The following APC variants were observed in gnomAD, a reference collection of about 807,000 sequenced individuals.
APC encodes the protein APC regulator of Wnt signaling pathway, also known as adenomatous polyposis coli protein.
In APC, 72 loss-of-function variants were observed where a neutral mutation model predicts 247.0. That is an observed-to-expected ratio of 0.29 (90% CI 0.24 to 0.35). The LOEUF (loss-of-function observed/expected upper bound fraction) is 0.35, where lower values mean the gene tolerates loss of function less well. Among genes scored for constraint, APC ranks in the 10% least tolerant of loss-of-function variants. The probability of loss-of-function intolerance (pLI) is 1.00; values close to 1 mark genes in which losing one functional copy is unlikely to be tolerated. For missense variants in APC, 3,400 were observed against 3,360.7 expected (o/e 1.01, Z -0.29); for synonymous variants, 1,254 against 1,162.5 (o/e 1.08, Z -1.60).
intron 1 of APC, among the ~76,000 whole-genome samples, chr5:112,741,371 T>C (rs1014787255): frequency 2.0e-5 from 3 of 152,166 alleles, no homozygotes; most frequent in African/African-American, 7.2e-5. Context: ...CTAAATTACT[T>C]TTGAAGTACT....
At chr5:112,789,282 C>G (rs570363323) in intron 6 of APC, among the ~76,000 whole-genome samples, 1 of 152,302 alleles carries the variant, frequency 6.6e-6, no homozygotes, top group East Asian at 1.9e-4. Context: ...TTGTGAAGTG[C>G]TGCAGTGAGC....
rs2149788491 is a variant in APC, at chr5:112,767,273, C to A, written c.305C>A (p.Ser102Tyr). Residue 102 changes from serine to tyrosine, a missense_variant, in exon 4 of 16, where the codon TCT (serine) becomes TAT (tyrosine). Around this residue, in one of 9 missense-constraint regions of APC, gnomAD observed 372 missense variants for 367.6 expected, o/e 1.01. Transcript: ENST00000257430. Reference sequence around the variant, plus strand: ...CGTTCTTATGGAAGCCGGGAAGGATCTGTATCAAGCCGTTCTGGAGAGTGC... The same window carrying A: ...CGTTCTTATGGAAGCCGGGAAGGATATGTATCAAGCCGTTCTGGAGAGTGC... Reference protein sequence around the residue: ...SLRSYGSREGSVSSRSGECSP... With the variant: ...SLRSYGSREGYVSSRSGECSP... 1 of 1,614,154 alleles carries A rather than the reference C, an allele frequency of 6.2e-7. No individual in the cohort carries two copies.
At chr5:112,720,654 G>C (rs1561403968) in intron 1 of APC, among the ~76,000 whole-genome samples, 1 of 152,204 alleles carries the variant, frequency 6.6e-6, no homozygotes, top group Non-Finnish European at 1.5e-5. Flanking sequence ...GGCATAGGTA[G>C]AAAAATAGGT....
rs448475 is a variant in APC, at chr5:112,845,682, C to G, written c.*1556C>G. 102,714 of 231,660 alleles carry G rather than the reference C, an allele frequency of 0.44. 26,071 individuals are homozygous for G. Among genetic ancestry groups the G allele is most frequent in the East Asian group, 0.72 (11,718 of 16,360 alleles). 14.4% of individuals were successfully genotyped at this position (231,660 alleles called of 1,614,324 possible). On this transcript the variant is annotated 3_prime_UTR_variant, in exon 16 of 16. Transcript: ENST00000257430. ...TTCTGGGGTACATGTTAAGTGTCCC[C>G]TTATACAGTGGAGGGAAGTCTTCCT...
chr5:112,714,191 A>G (rs1272012058), intron 1 of APC, among the ~76,000 whole-genome samples: 1 of 152,172 alleles, frequency 6.6e-6, no homozygotes, highest in Non-Finnish European at 1.5e-5. Context: ...GAAATACTAT[A>G]TGGGGACATT....
intron 1 of APC, among the ~76,000 whole-genome samples, chr5:112,751,145 CAG>C (rs1182727010): frequency 6.6e-6 from 1 of 151,974 alleles, no homozygotes; most frequent in African/African-American, 2.4e-5. Flanking sequence ...AAAAATAGTA[CAG>C]AGAGTTTCTA....
rs1816769 is a variant in APC at position 112,774,082 on chromosome 5, G to C, written c.423-1547G>C. ...TGTATATGTATTAAATGAGGTATAG[G>C]TATAAGGCTATTCAATGCAGCATTG... On this transcript the variant is annotated intron_variant, in intron 4 of 15. Transcript: ENST00000257430. Among the ~76,000 whole-genome samples the C allele has an allele frequency of 0.55, 82,906 of 151,916 alleles. 23,223 individuals are homozygous for C. The highest frequency in any genetic ancestry group is 0.87 in the East Asian group (4,508 of 5,180).
At chr5:112,831,826 T>C (rs1440290354) in intron 14 of APC, among the ~76,000 whole-genome samples, 1 of 152,256 alleles carries the variant, frequency 6.6e-6, no homozygotes, top group African/African-American at 2.4e-5. Context: ...GTGGCTTCTA[T>C]TACAGTGTTT....
At chr5:112,723,087 A>G (rs1398801147) in intron 1 of APC, among the ~76,000 whole-genome samples, 1 of 152,118 alleles carries the variant, frequency 6.6e-6, no homozygotes, top group Non-Finnish European at 1.5e-5. Flanking sequence ...AAAGGAGGAC[A>G]GGAGAAGGCT....
At chr5:112,759,356 C>CTTTTTTTTTT (rs887438895) in intron 2 of APC, among the ~76,000 whole-genome samples, 11 of 122,354 alleles carry the variant, frequency 9.0e-5, no homozygotes, top group African/African-American at 2.3e-4. Context: ...TTCTTTCTTT[C>CTTTTTTTTTT]TTTTTTTTTT....
Position 112,841,067 on chromosome 5 carries a change from G to A in APC, c.5473G>A (p.Asp1825Asn), listed in dbSNP as rs1203079846. 2.5e-6 allele frequency: 4 copies of A among 1,612,588 alleles called. No individual in the cohort carries two copies. Among genetic ancestry groups the A allele is most frequent in the Non-Finnish European group, 3.4e-6 (4 of 1,178,660 alleles). Residue 1825 changes from aspartate (D) to asparagine (N), a missense_variant, in exon 16 of 16, where the codon GAT (aspartate) becomes AAT (asparagine). Physicochemically the swap from Asp to Asn is conservative, Grantham distance 23. Transcript: ENST00000257430. This position sits in a 1 kb window ranked among gnomAD's most constrained non-coding sequence, Gnocchi z 4.6. Reference protein sequence around the residue: ...NLKNNSKVFNDKLPNNEDRVR... With the variant: ...NLKNNSKVFNNKLPNNEDRVR... ...GAAAAATAATTCCAAGGTCTTCAATGATAAGCTCCCAAATAATGAAGATAG... is the reference window on the plus strand; with the variant it reads ...GAAAAATAATTCCAAGGTCTTCAATAATAAGCTCCCAAATAATGAAGATAG...
chr5:112,760,236 G>C lies in APC; in HGVS notation c.135+5211G>C, dbSNP rs1023043668. 4.6e-5 allele frequency among the ~76,000 whole-genome samples: 7 copies of C among 152,260 alleles called. No homozygotes were observed. In the South Asian group the frequency reaches 1.5e-3, roughly 32 times the overall value. On this transcript the variant is annotated intron_variant, in intron 2 of 15. Coordinates refer to ENST00000257430, the MANE Select transcript of APC (RefSeq NM_000038.6). The stretch of plus-strand genomic sequence containing the variant: ...AGAAAATGAAATCGTTGGCAGCCTT[G>C]ACAAACATGAGGGCAGATGTAGAGA...
chr5:112,810,986 C>T (rs903962533), intron 8 of APC, among the ~76,000 whole-genome samples: 3 of 151,854 alleles, frequency 2.0e-5, no homozygotes, highest in Non-Finnish European at 4.4e-5. Flanking sequence ...GATCACGCCA[C>T]TGCACTCCAG....
chr5:112,773,142 A>G (rs911742552), intron 4 of APC, among the ~76,000 whole-genome samples: 2 of 152,190 alleles, frequency 1.3e-5, no homozygotes, highest in African/African-American at 2.4e-5. Flanking sequence ...CATCACTATT[A>G]AGGTTGCCAC....
At chr5:112,837,506 C>T (rs993248333) in intron 15 of APC, 47 bp from the exon 16 acceptor site, 8 of 1,376,822 alleles carry the variant, frequency 5.8e-6, no homozygotes, top group Non-Finnish European at 8.3e-6. Flanking sequence ...GTTGTTACTG[C>T]ATACACATTG....
chr5:112,825,700 TAAAA>T (rs1763589541), intron 11 of APC, among the ~76,000 whole-genome samples: 1 of 152,124 alleles, frequency 6.6e-6, no homozygotes, highest in African/African-American at 2.4e-5. Flanking sequence ...AAAATAAAAA[TAAAA>T]AGAAAGATAC....
In APC at chr5:112,838,864, A is replaced by C. The variant is rs780818655; in HGVS notation, c.3270A>C (p.Gln1090His). Residue 1090 changes from glutamine (Q) to histidine (H), a missense_variant, in exon 16 of 16, where the codon CAA becomes CAC. This residue lies in a region of APC where 715 missense variants were observed against 656.6 expected (regional missense o/e 1.09). Coordinates refer to ENST00000257430, the MANE Select transcript of APC (RefSeq NM_000038.6). Reference protein sequence around the residue: ...ESTDDKHLKFQPHFGQQECVS... With the variant: ...ESTDDKHLKFHPHFGQQECVS... ...CTGATGATAAACACCTCAAGTTCCA[A>C]CCACATTTTGGACAGCAGGAATGTG... The C allele has an allele frequency of 6.2e-7, 1 of 1,614,158 alleles. No homozygotes were observed. The highest frequency in any genetic ancestry group is 1.3e-5 in the African/African-American group (1 of 75,058).
intron 1 of APC, among the ~76,000 whole-genome samples, chr5:112,730,407 G>T (rs550029580): frequency 8.2e-4 from 125 of 152,332 alleles, no homozygotes; most frequent in African/African-American, 2.8e-3. Flanking sequence ...AATATAGTCA[G>T]CATTGGCTTT....
At chr5:112,786,872 G>A (rs1759006481) in intron 6 of APC, among the ~76,000 whole-genome samples, 1 of 147,490 alleles carries the variant, frequency 6.8e-6, no homozygotes, top group African/African-American at 2.5e-5. Flanking sequence ...ACTCAACCCT[G>A]CCTTTTTCTT....
Sources: gnomAD v4.1 joint callset for allele counts (sites outside exome capture counted in the v4.1 genomes callset) on GRCh38, gnomAD v4.1.1 for gene constraint, gnomAD v4.1.1 regional missense constraint, Gnocchi (gnomAD v3.1) non-coding constraint, MANE v1.5 for transcripts, NCBI Gene and HGNC (gene_info 2026-07-23, HGNC 2026-07-21) for gene names.